UMAD1: variants seen among roughly 807,000 people sequenced by gnomAD.
UMAD1 encodes the protein UBAP1-MVB12-associated (UMA) domain containing 1.
UMAD1 carries 8 observed loss-of-function variants against 6.1 expected under a neutral mutation model. The ratio of observed to expected loss-of-function variants is 1.30; its 90% CI spans 0.76 to 2.35. The LOEUF is 2.35. UMAD1 is among the 30% of genes most tolerant of loss of function. The pLI is 0.00. For synonymous variants in UMAD1, 56 were observed against 31.4 expected (o/e 1.78, Z -2.61); for missense variants, 130 against 78.4 (o/e 1.66, Z -2.49).
Position 7,776,413 on chromosome 7 carries a change from C to T in UMAD1, c.83-25257C>T, listed in dbSNP as rs147194315. On this transcript the variant is annotated intron_variant, in intron 2 of 3. Coordinates refer to ENST00000682710, the MANE Select transcript of UMAD1 (RefSeq NM_001302348.2). ...TTTGTAAATCCATTTATATAGTATTCTCAAGTGACAGGGTTATACAGATAG... is the reference window on the plus strand; with the variant it reads ...TTTGTAAATCCATTTATATAGTATTTTCAAGTGACAGGGTTATACAGATAG... Among the ~76,000 whole-genome samples, 10 of 152,260 alleles carry T rather than the reference C, an allele frequency of 6.6e-5. No homozygotes were observed. The East Asian group carries it at 1.7e-3, about 26-fold the overall frequency.
chr7:7,826,224 T>A (rs1563238147), intron 3 of UMAD1, among the ~76,000 whole-genome samples: 1 of 152,106 alleles, frequency 6.6e-6, no homozygotes, highest in Non-Finnish European at 1.5e-5. Flanking sequence ...TTGTTTTTCT[T>A]TATCTAGAAA....
chr7:7,765,875 A>AT (rs1232464898), intron 2 of UMAD1, among the ~76,000 whole-genome samples: 2 of 152,038 alleles, frequency 1.3e-5, no homozygotes, highest in Admixed American at 1.3e-4. Flanking sequence ...TTTGGAAATA[A>AT]TTTTTTCCCT....
At chr7:7,768,408 A>C (rs1293913685) in intron 2 of UMAD1, among the ~76,000 whole-genome samples, 1 of 152,122 alleles carries the variant, frequency 6.6e-6, no homozygotes, top group Non-Finnish European at 1.5e-5. Flanking sequence ...TTACTGGAGC[A>C]AGTATTTCTG....
At chr7:7,849,955 G>A (rs540452382) in intron 3 of UMAD1, among the ~76,000 whole-genome samples, 1 of 152,236 alleles carries the variant, frequency 6.6e-6, no homozygotes, top group Admixed American at 6.6e-5. Context: ...ATTAAAATAT[G>A]ATGCCTTTTC....
rs146045232 is a variant in UMAD1 at position 7,826,593 on chromosome 7, G to A, written c.156+24850G>A. Among the ~76,000 whole-genome samples, 113 of 152,244 alleles carry A rather than the reference G, an allele frequency of 7.4e-4. 1 individual carries two copies. The East Asian group carries it at 0.018, about 25-fold the overall frequency. On this transcript the variant is annotated intron_variant, in intron 3 of 3. Transcript: ENST00000682710. ...CCTGGATAGCTGGTCTACCCATGCT[G>A]TTTATTAGATGTGTGATTTTTATAT...
intron 3 of UMAD1, among the ~76,000 whole-genome samples, chr7:7,874,075 T>C (rs1416341376): frequency 6.6e-6 from 1 of 152,170 alleles, no homozygotes; most frequent in Non-Finnish European, 1.5e-5. Flanking sequence ...CTGGTACTCT[T>C]TCCCATCCCT....
Position 7,823,522 on chromosome 7 carries a change from T to G in UMAD1, c.156+21779T>G, listed in dbSNP as rs992962585. Among the ~76,000 whole-genome samples the G allele has an allele frequency of 3.3e-5, 5 of 152,184 alleles. No homozygotes were observed. The East Asian group carries it at 9.6e-4, about 29-fold the overall frequency. On this transcript the variant is annotated intron_variant, in intron 3 of 3. Coordinates refer to ENST00000682710, the MANE Select transcript of UMAD1 (RefSeq NM_001302348.2). ...GCCCTCCTGCACTCCGTTTGCCCAA[T>G]TTTTTTGAAGCCCAAAGTGCCTCAG...
chr7:7,676,405 A>G (rs1779740193), intron 2 of UMAD1, among the ~76,000 whole-genome samples: 1 of 152,222 alleles, frequency 6.6e-6, no homozygotes, highest in African/African-American at 2.4e-5. Flanking sequence ...TCCAGTTAGT[A>G]TGTAGCAGAT....
At chr7:7,841,787 AC>A (rs1297016164) in intron 3 of UMAD1, among the ~76,000 whole-genome samples, 2 of 147,906 alleles carry the variant, frequency 1.4e-5, no homozygotes, top group African/African-American at 2.4e-5. Flanking sequence ...GTAATGAGAT[AC>A]ATCTCTCTCT....
intron 3 of UMAD1, among the ~76,000 whole-genome samples, chr7:7,872,458 T>C (rs768826130): frequency 8.5e-5 from 13 of 152,196 alleles, no homozygotes; most frequent in Non-Finnish European, 1.8e-4. Context: ...TCATCTTACA[T>C]GGGCATGGTT....
chr7:7,640,861 C>A (rs1351726371), intron 1 of UMAD1, 40 bp downstream of exon 1: 1 of 180,578 alleles, frequency 5.5e-6, no homozygotes. Context: ...CTTACTGTTT[C>A]CCCATTCTTC....
rs77089658 is a variant in UMAD1, at chr7:7,815,299, T to A, written c.156+13556T>A. On this transcript the variant is annotated intron_variant, in intron 3 of 3. Coordinates refer to ENST00000682710, the MANE Select transcript of UMAD1 (RefSeq NM_001302348.2). ...TCAATATGTAATATTTATTTGTATG[T>A]CTATATACACAGTATCTGATGTATA... Among the ~76,000 whole-genome samples, 889 of 152,268 alleles carry A rather than the reference T, an allele frequency of 5.8e-3. 6 individuals carry two copies. The highest frequency in any genetic ancestry group is 0.02 in the African/African-American group (846 of 41,548).
intron 2 of UMAD1, chr7:7,736,720 A>G (rs1781367286): frequency 6.6e-6 from 1 of 152,246 alleles, no homozygotes; most frequent in Non-Finnish European, 1.5e-5. Flanking sequence ...TGATGTCTTC[A>G]TATCCAGTGA....
At chr7:7,869,609 G>T (rs1197972808) in intron 3 of UMAD1, among the ~76,000 whole-genome samples, 1 of 152,136 alleles carries the variant, frequency 6.6e-6, no homozygotes, top group Non-Finnish European at 1.5e-5. Flanking sequence ...TGAGGCATAG[G>T]TTGCAGAAAA....
At chr7:7,678,009 T>C (rs1408667609) in intron 2 of UMAD1, among the ~76,000 whole-genome samples, 1 of 152,216 alleles carries the variant, frequency 6.6e-6, no homozygotes, top group Non-Finnish European at 1.5e-5. Flanking sequence ...CTTAGGTTGA[T>C]TCTATATGTT....
chr7:7,774,999 TTCTTTTAATCTCC>T (rs1430895373), intron 2 of UMAD1, among the ~76,000 whole-genome samples: 27 of 152,352 alleles, frequency 1.8e-4, no homozygotes, highest in African/African-American at 6.5e-4. Context: ...CTTTCTCTTG[TTCTTTTAATCTCC>T]TCTACCGGTC....
intron 2 of UMAD1, among the ~76,000 whole-genome samples, chr7:7,778,539 C>T (rs1229048487): frequency 1.3e-5 from 2 of 151,778 alleles, no homozygotes; most frequent in Non-Finnish European, 2.9e-5. Context: ...TCTTAGCCTC[C>T]TGAGCAGCTA....
intron 3 of UMAD1, among the ~76,000 whole-genome samples, chr7:7,816,551 A>G (rs890372472): frequency 2.5e-4 from 38 of 152,376 alleles, no homozygotes; most frequent in African/African-American, 8.9e-4. Context: ...CAGTGTCGGT[A>G]GCATTCAAGG....
chr7:7,642,869 T>G (rs917822653), intron 1 of UMAD1, among the ~76,000 whole-genome samples: 2 of 152,358 alleles, frequency 1.3e-5, no homozygotes, highest in Admixed American at 1.3e-4. Flanking sequence ...TAGGTGGTTT[T>G]ATCACACATG....
Sources: gnomAD v4.1 joint callset for allele counts (sites outside exome capture counted in the v4.1 genomes callset) on GRCh38, gnomAD v4.1.1 for gene constraint, MANE v1.5 for transcripts, NCBI Gene and HGNC (gene_info 2026-07-23, HGNC 2026-07-21) for gene names.